Variants in GPR50 observed in about 807,000 individuals in gnomAD.
The protein encoded by GPR50 is melatonin-related receptor.
A neutral mutation model predicts 2.6 loss-of-function variants in GPR50; 1 was observed. The observed-to-expected ratio is 0.38, with a 90% confidence interval of 0.13 to 1.79. The LOEUF is 1.79. GPR50 is among the 40% of genes most tolerant of loss of function. The pLI, the probability that GPR50 is intolerant of heterozygous loss-of-function variation, is 0.33. For synonymous variants in GPR50, 233 were observed against 202.3 expected (o/e 1.15, Z -1.29); for missense variants, 535 against 522.1 (o/e 1.02, Z -0.24).
intron 1 of GPR50, among the ~76,000 whole-genome samples, chrX:151,178,015 G>A (rs1308588530): frequency 9.0e-6 from 1 of 110,831 alleles, no homozygotes; most frequent in Non-Finnish European, 1.9e-5. Context: ...CTCTGGAAGG[G>A]AGGGGAAGGG....
In GPR50 at chrX:151,180,833, A is replaced by C. The variant is rs1460097329; in HGVS notation, c.1250A>C (p.His417Pro). Reference sequence around the variant, plus strand: ...AGCCACTCCAAGGCTGCCTCTGGTCACCTCAAGCCTGTCTCTGGCCACTCC... The same window carrying C: ...AGCCACTCCAAGGCTGCCTCTGGTCCCCTCAAGCCTGTCTCTGGCCACTCC... ...VFSHSKAASG[H>P]LKPVSGHSKP... The change falls in exon 2 of 2, where the codon CAC (histidine) becomes CCC (proline). Residue 417 changes from histidine to proline, a missense_variant. Transcript: ENST00000218316. 1 of 1,209,528 alleles carries C rather than the reference A, an allele frequency of 8.3e-7. No individual in the cohort carries two copies. The highest frequency in any genetic ancestry group is 1.8e-5 in the South Asian group (1 of 56,840).
At chrX:151,182,750 A>G (rs955456385), downstream of GPR50, 2 of 112,948 alleles carry the variant, frequency 1.8e-5, no homozygotes, top group African/African-American at 6.4e-5. Flanking sequence ...CTTTAAGCAA[A>G]GTTTACTGTA....
At chrX:151,182,133 T>G (rs1393305787), downstream of GPR50, among the ~76,000 whole-genome samples, 5 of 112,540 alleles carry the variant, frequency 4.4e-5, no homozygotes, top group Non-Finnish European at 7.5e-5. Flanking sequence ...TTATTTCTAT[T>G]TTTTGAAAAT....
chrX:151,176,621 C>G lies in GPR50; in HGVS notation c.-101C>G. ...TCTCTGACTCTCAGAGAGGGAGGCA[C>G]GCTTTCCTGGAGCTCCTGGTGACAG... On this transcript the variant is annotated 5_prime_UTR_variant, in exon 1 of 2. Coordinates refer to ENST00000218316, the MANE Select transcript of GPR50 (RefSeq NM_004224.3). 1.9e-6 allele frequency: 1 copy of G among 520,943 alleles called. No homozygotes were observed. The highest frequency in any genetic ancestry group is 3.2e-6 in the Non-Finnish European group (1 of 315,496). The allele number at this position is 520,943 out of a possible 1,213,427, so 42.9% of individuals were successfully genotyped here. A position where few individuals can be genotyped will look rare whatever the true frequency, so the allele number is the denominator to read the frequency against.
Position 151,181,177 on chromosome X carries a change from A to G in GPR50, c.1594A>G (p.Thr532Ala), listed in dbSNP as rs561077. 514,939 of 1,206,901 alleles carry G rather than the reference A, an allele frequency of 0.43. 75,857 individuals are homozygous for G. The highest frequency in any genetic ancestry group is 0.53 in the Admixed American group (23,983 of 45,455). The change falls in exon 2 of 2, where the codon ACT (threonine) becomes GCT (alanine). Residue 532 changes from threonine (T) to alanine (A), a missense_variant. Thr to Ala is a moderately conservative substitution (Grantham distance 58). Coordinates refer to ENST00000218316, the MANE Select transcript of GPR50 (RefSeq NM_004224.3). Reference protein sequence around the residue: ...KPATTSHPKPTAADNPELSAS... With the variant: ...KPATTSHPKPAAADNPELSAS... ...TGCCACTACCAGCCACCCTAAGCCCACTGCTGCTGACAACCCTGAGCTCTC... is the reference window on the plus strand; with the variant it reads ...TGCCACTACCAGCCACCCTAAGCCCGCTGCTGCTGACAACCCTGAGCTCTC...
rs2048704333 is a variant in GPR50 at position 151,180,319 on chromosome X, T to C, written c.736T>C (p.Phe246Leu). 4.1e-6 allele frequency: 5 copies of C among 1,207,384 alleles called. No homozygotes were observed. The East Asian group carries it at 8.9e-5, about 21-fold the overall frequency. The change falls in exon 2 of 2, where the codon TTT becomes CTT. Residue 246 changes from phenylalanine to leucine, a missense_variant. Transcript: ENST00000218316. ...AACCATGTTTGTGATCTTCCTCCTC[T>C]TTGCAGTGTGCTGGTGCCCTATCAA... The part of the protein sequence containing the change: ...FLTMFVIFLL[F>L]AVCWCPINVL...
intron 1 of GPR50, among the ~76,000 whole-genome samples, chrX:151,178,657 A>T (rs1408785859): frequency 3.6e-5 from 4 of 112,098 alleles, no homozygotes; most frequent in Non-Finnish European, 7.5e-5. Flanking sequence ...TGGAGGAAGG[A>T]GGAAGAAGGA....
chrX:151,181,157 C>G lies in GPR50; in HGVS notation c.1574C>G (p.Thr525Ser). Residue 525 changes from threonine to serine, a missense_variant, in exon 2 of 2, where the codon ACT becomes AGT. By Grantham distance (58) the Thr-to-Ser change is moderately conservative. Coordinates refer to ENST00000218316, the MANE Select transcript of GPR50 (RefSeq NM_004224.3). ...PTTADYPKPA[T>S]TSHPKPTAAD... Reference sequence around the variant, plus strand: ...ACTGCTGACTATCCCAAGCCTGCCACTACCAGCCACCCTAAGCCCACTGCT... The same window carrying G: ...ACTGCTGACTATCCCAAGCCTGCCAGTACCAGCCACCCTAAGCCCACTGCT... The G allele has an allele frequency of 8.3e-7, 1 of 1,210,827 alleles. No individual in the cohort carries two copies. The highest frequency in any genetic ancestry group is 2.2e-5 in the Admixed American group (1 of 45,974).
rs1032773798 is a variant in GPR50 at position 151,181,167 on chromosome X, C to T, written c.1584C>T (p.His528=). Residue 528 remains histidine, a synonymous_variant, in exon 2 of 2, where the codon CAC becomes CAT. Transcript: ENST00000218316. ...ADYPKPATTS[H]PKPTAADNPE... ...ATCCCAAGCCTGCCACTACCAGCCA[C>T]CCTAAGCCCACTGCTGCTGACAACC... The T allele has an allele frequency of 2.5e-6, 3 of 1,211,279 alleles. No homozygotes were observed. Among genetic ancestry groups the T allele is most frequent in the Non-Finnish European group, 2.2e-6 (2 of 895,285 alleles).
At position 151,176,586 on chromosome X, in the gene GPR50, T is replaced by A; in HGVS notation, c.-136T>A. The A allele has an allele frequency of 2.3e-6, 1 of 437,899 alleles. No individual in the cohort carries two copies. Among genetic ancestry groups the A allele is most frequent in the Non-Finnish European group, 3.9e-6 (1 of 253,930 alleles). 36.1% of individuals were successfully genotyped at this position (437,899 alleles called of 1,213,427 possible). ...AGCTCATCGGAGAGGGGCGGGATGC[T>A]GTCATTTGCTCTCTGACTCTCAGAG... On this transcript the variant is annotated 5_prime_UTR_variant, in exon 1 of 2. Coordinates refer to ENST00000218316, the MANE Select transcript of GPR50 (RefSeq NM_004224.3).
chrX:151,176,965 G>A (rs2048683385), intron 1 of GPR50, 57 bp downstream of exon 1: 1 of 842,744 alleles, frequency 1.2e-6, no homozygotes, highest in Admixed American at 2.7e-5. Context: ...CCCCTAGGGC[G>A]TTAGTTTTTG....
At position 151,180,727 on chromosome X, in the gene GPR50, G is replaced by A. The variant is rs778153451; in HGVS notation, c.1144G>A (p.Ala382Thr). 4.1e-6 allele frequency: 5 copies of A among 1,210,719 alleles called. No homozygotes were observed. The highest frequency in any genetic ancestry group is 5.6e-6 in the Non-Finnish European group (5 of 894,857). Residue 382 changes from alanine (A) to threonine (T), a missense_variant, in exon 2 of 2, where the codon GCC (alanine) becomes ACC (threonine). Ala to Thr is a moderately conservative substitution (Grantham distance 58). Coordinates refer to ENST00000218316, the MANE Select transcript of GPR50 (RefSeq NM_004224.3). The part of the protein sequence containing the change: ...GDAAAGHPDR[A>T]SGHPKPHSRS... ...TGCTGCAGCTGGCCACCCCGACCGT[G>A]CCTCTGGCCACCCTAAGCCCCATTC...
downstream of GPR50, among the ~76,000 whole-genome samples, chrX:151,181,619 G>A (rs1317498044): frequency 8.9e-6 from 1 of 112,240 alleles, no homozygotes; most frequent in Non-Finnish European, 1.9e-5. Flanking sequence ...AAGTGTGTGC[G>A]TGGGTGTGTG....
chrX:151,176,856 C>T lies in GPR50; in HGVS notation c.135C>T (p.Gly45=), dbSNP rs2048682533. 1 of 1,207,293 alleles carries T rather than the reference C, an allele frequency of 8.3e-7. No homozygotes were observed. Among genetic ancestry groups the T allele is most frequent in the African/African-American group, 1.7e-5 (1 of 57,598 alleles). The part of the protein sequence containing the change: ...MVITIVVDLI[G]NSMVILAVTK... ...TCACCATCGTTGTAGACCTAATCGGCAACTCCATGGTCATTTTGGCTGTGA... is the reference window on the plus strand; with the variant it reads ...TCACCATCGTTGTAGACCTAATCGGTAACTCCATGGTCATTTTGGCTGTGA... The change falls in exon 1 of 2, where the codon GGC becomes GGT. Residue 45 remains glycine, a synonymous_variant. Coordinates refer to ENST00000218316, the MANE Select transcript of GPR50 (RefSeq NM_004224.3).
downstream of GPR50, chrX:151,182,518 G>C (rs2048720262): frequency 9.0e-6 from 1 of 111,699 alleles, no homozygotes; most frequent in South Asian, 3.8e-4. Flanking sequence ...CTCCCGGATG[G>C]GGAGGGGGGC....
rs1175281026 is a variant in GPR50, at chrX:151,180,799, T to G, written c.1216T>G (p.Ser406Ala). The change falls in exon 2 of 2, where the codon TCT (serine) becomes GCT (alanine). Residue 406 changes from serine (S) to alanine (A), a missense_variant. Transcript: ENST00000218316. Reference sequence around the variant, plus strand: ...CAAATCTGCCTCTACCCACCACAAGTCTGTCTTTAGCCACTCCAAGGCTGC... The same window carrying G: ...CAAATCTGCCTCTACCCACCACAAGGCTGTCTTTAGCCACTCCAAGGCTGC... ...YRKSASTHHK[S>A]VFSHSKAASG... 1 of 1,210,677 alleles carries G rather than the reference T, an allele frequency of 8.3e-7. No homozygotes were observed. The highest frequency in any genetic ancestry group is 1.1e-6 in the Non-Finnish European group (1 of 895,148).
chrX:151,177,491 G>A (rs1202326803), intron 1 of GPR50: 1 of 112,588 alleles, frequency 8.9e-6, no homozygotes, highest in Non-Finnish European at 1.9e-5. Context: ...AGACCCCCGC[G>A]CCCGAGAATC....
At chrX:151,181,471 C>T (rs999863231), downstream of GPR50, 14 of 1,052,372 alleles carry the variant, frequency 1.3e-5, no homozygotes, top group Middle Eastern at 2.6e-4. Flanking sequence ...GCAGTGGTCC[C>T]CTTTCTAGTT....
downstream of GPR50, chrX:151,182,416 G>A (rs1203828298): frequency 2.7e-5 from 3 of 111,914 alleles, no homozygotes; most frequent in African/African-American, 9.7e-5. Context: ...TACAGTTTTT[G>A]CATTATTGCT....
Sources: allele counts gnomAD v4.1 joint callset (sites outside exome capture counted in the v4.1 genomes callset), GRCh38; gene constraint gnomAD v4.1.1; transcripts MANE v1.5; gene names NCBI Gene and HGNC (gene_info 2026-07-23, HGNC 2026-07-21).